FUT8: variants seen among roughly 807,000 people sequenced by gnomAD.
FUT8 encodes alpha-(1,6)-fucosyltransferase.
A neutral mutation model predicts 71.3 loss-of-function variants in FUT8; 29 were observed. The observed-to-expected ratio is 0.41, with a 90% CI of 0.30 to 0.55. The LOEUF is 0.55. Ranked by LOEUF, FUT8 falls within the 20% of genes least tolerant of loss-of-function variation. The pLI, the probability that FUT8 is intolerant of heterozygous loss-of-function variation, is 0.34. For missense variants in FUT8, 544 were observed against 702.1 expected (o/e 0.77, Z 2.55); for synonymous variants, 254 against 239.3 (o/e 1.06, Z -0.57).
chr14:65,634,970 A>G (rs1274144288), intron 6 of FUT8, among the ~76,000 whole-genome samples: 2 of 152,148 alleles, frequency 1.3e-5, no homozygotes, highest in African/African-American at 2.4e-5. Context: ...TGAACATGGG[A>G]TGCGTTTCCA....
At chr14:65,676,606 C>T (rs1274939809) in intron 7 of FUT8, among the ~76,000 whole-genome samples, 1 of 149,482 alleles carries the variant, frequency 6.7e-6, no homozygotes, top group Admixed American at 6.7e-5. Flanking sequence ...CCCCACCCCT[C>T]CTTCCTTCTT....
chr14:65,645,353 AT>A (rs1167070385), intron 6 of FUT8, among the ~76,000 whole-genome samples: 7 of 152,272 alleles, frequency 4.6e-5, no homozygotes, highest in African/African-American at 1.4e-4. Flanking sequence ...TTTCCCTTAC[AT>A]TTCTTAGCTG....
At chr14:65,680,962 G>GTA (rs1893007684) in intron 7 of FUT8, among the ~76,000 whole-genome samples, 1 of 152,118 alleles carries the variant, frequency 6.6e-6, no homozygotes, top group African/African-American at 2.4e-5. Context: ...AAAGTTTTGT[G>GTA]TACTTTTACT....
intron 2 of FUT8, among the ~76,000 whole-genome samples, chr14:65,476,675 G>A (rs967408836): frequency 1.6e-5 from 2 of 125,530 alleles, no homozygotes; most frequent in Non-Finnish European, 3.2e-5. Flanking sequence ...TTTTTTTGGC[G>A]ACAGGGTTTT....
chr14:65,720,520 T>G (rs1462350339), intron 7 of FUT8, among the ~76,000 whole-genome samples: 3 of 152,212 alleles, frequency 2.0e-5, no homozygotes, highest in Non-Finnish European at 4.4e-5. Flanking sequence ...CCCTCTCTAC[T>G]GCTCAAGTGG....
the FUT8 span, among the ~76,000 whole-genome samples, chr14:65,375,758 C>G: frequency 6.6e-6 from 1 of 152,190 alleles, no homozygotes; most frequent in African/African-American, 2.4e-5. Context: ...CAGACATTGC[C>G]TCTTAGAGAG....
intron 2 of FUT8, among the ~76,000 whole-genome samples, chr14:65,548,098 G>A (rs1161926066): frequency 6.6e-6 from 1 of 151,956 alleles, no homozygotes; most frequent in African/African-American, 2.4e-5. Flanking sequence ...ATGAGGATTT[G>A]TCTGATATTT....
chr14:65,704,996 A>G (rs1594919083), intron 7 of FUT8, among the ~76,000 whole-genome samples: 1 of 152,238 alleles, frequency 6.6e-6, no homozygotes, highest in African/African-American at 2.4e-5. Context: ...CCTCATGAGA[A>G]TGCTGCCCAG....
intron 6 of FUT8, among the ~76,000 whole-genome samples, chr14:65,651,535 C>T (rs994508436): frequency 5.3e-5 from 8 of 152,084 alleles, no homozygotes; most frequent in Non-Finnish European, 7.4e-5. Context: ...AATCTTAATT[C>T]GAATGATGAA....
chr14:65,735,212 C>T (rs1896163583), intron 10 of FUT8, among the ~76,000 whole-genome samples: 1 of 88,702 alleles, frequency 1.1e-5, no homozygotes, highest in African/African-American at 3.8e-5. Context: ...AAATTTTTTG[C>T]TTTACTATTT....
chr14:65,624,944 T>G (rs1430257641), intron 5 of FUT8, among the ~76,000 whole-genome samples: 2 of 152,162 alleles, frequency 1.3e-5, no homozygotes, highest in Admixed American at 6.5e-5. Context: ...TGCATGCCTG[T>G]AATCCCAGCT....
At chr14:65,509,358 C>G (rs1236560658) in intron 2 of FUT8, among the ~76,000 whole-genome samples, 1 of 151,892 alleles carries the variant, frequency 6.6e-6, no homozygotes, top group Admixed American at 6.6e-5. Context: ...TAATGTGATT[C>G]TTCTAGTTTG....
At chr14:65,537,162 G>A (rs1242078846) in intron 2 of FUT8, among the ~76,000 whole-genome samples, 1 of 150,942 alleles carries the variant, frequency 6.6e-6, no homozygotes, top group African/African-American at 2.4e-5. Flanking sequence ...TCATTTTATT[G>A]TGCTTCTTAG....
chr14:65,445,733 G>T (rs1253831271), intron 1 of FUT8, among the ~76,000 whole-genome samples: 1 of 152,158 alleles, frequency 6.6e-6, no homozygotes, highest in East Asian at 1.9e-4. Flanking sequence ...TTCTCTATTA[G>T]ATTTTTTTTA....
intron 2 of FUT8, among the ~76,000 whole-genome samples, chr14:65,533,420 C>T (rs997820697): frequency 2.6e-5 from 4 of 151,914 alleles, no homozygotes; most frequent in Non-Finnish European, 5.9e-5. Context: ...GTGGCAGTTG[C>T]GAATGGGACT....
At chr14:65,631,081 C>T (rs1047171820) in intron 6 of FUT8, among the ~76,000 whole-genome samples, 1 of 152,172 alleles carries the variant, frequency 6.6e-6, no homozygotes, top group African/African-American at 2.4e-5. Flanking sequence ...GTCTCATACC[C>T]ACATGGCCAT....
the FUT8 span, among the ~76,000 whole-genome samples, chr14:65,402,207 T>C: frequency 6.8e-6 from 1 of 146,926 alleles, no homozygotes; most frequent in East Asian, 2.0e-4. Context: ...TTTTTTTTTT[T>C]TTTTTTTTTT....
At chr14:65,518,237 A>G (rs1882842110) in intron 2 of FUT8, among the ~76,000 whole-genome samples, 1 of 152,130 alleles carries the variant, frequency 6.6e-6, no homozygotes, top group South Asian at 2.1e-4. Context: ...TTAGATTCAT[A>G]TTTTCTTTGA....
intron 1 of FUT8, chr14:65,430,404 AC>A (rs1187955702): frequency 6.6e-6 from 1 of 152,184 alleles, no homozygotes; most frequent in African/African-American, 2.4e-5. Context: ...CATATAAAAT[AC>A]TGAAATATGA....
Sources: allele counts gnomAD v4.1 joint callset (sites outside exome capture counted in the v4.1 genomes callset), GRCh38; gene constraint gnomAD v4.1.1; transcripts MANE v1.5; gene names NCBI Gene and HGNC (gene_info 2026-07-23, HGNC 2026-07-21).